Variants in NRG1 observed in about 807,000 individuals in gnomAD.
NRG1 encodes neuregulin 1.
In NRG1, 18 loss-of-function variants were observed where a neutral mutation model predicts 63.8. That is an observed-to-expected ratio of 0.28 (90% CI 0.19 to 0.42). NRG1 has a LOEUF of 0.42. NRG1 is among the 10% of genes least tolerant of loss of function. NRG1 has a pLI of 1.00. For missense variants in NRG1, 762 were observed against 814.7 expected (o/e 0.94, Z 0.79); for synonymous variants, 302 against 301.3 (o/e 1.00, Z -0.02).
At chr8:32,221,127 A>G (rs1413675299) in intron 1 of NRG1, 1 of 149,834 alleles carries the variant, frequency 6.7e-6, no homozygotes, top group Non-Finnish European at 1.5e-5. Flanking sequence ...TACTTTAAAA[A>G]ATAAAGGTAA....
chr8:32,206,916 G>A (rs1321962477), intron 1 of NRG1, among the ~76,000 whole-genome samples: 1 of 152,116 alleles, frequency 6.6e-6, no homozygotes, highest in Non-Finnish European at 1.5e-5. Flanking sequence ...AGTTATTCAT[G>A]ACCAGAATTA....
chr8:32,534,869 A>G (rs1312034658), intron 1 of NRG1, among the ~76,000 whole-genome samples: 1 of 152,066 alleles, frequency 6.6e-6, no homozygotes, highest in African/African-American at 2.4e-5. Context: ...TATGTTTTTG[A>G]GCATTCTAAG....
At chr8:32,113,902 T>C (rs1185501448) in intron 1 of NRG1, among the ~76,000 whole-genome samples, 2 of 152,138 alleles carry the variant, frequency 1.3e-5, no homozygotes, top group Non-Finnish European at 2.9e-5. Flanking sequence ...TTCTAGCAGG[T>C]GGGAGAAGGA....
intron 1 of NRG1, among the ~76,000 whole-genome samples, chr8:32,391,731 A>T (rs1386060598): frequency 6.6e-6 from 1 of 152,154 alleles, no homozygotes; most frequent in African/African-American, 2.4e-5. Flanking sequence ...TCCATGCTGT[A>T]TATGTACCAT....
intron 1 of NRG1, among the ~76,000 whole-genome samples, chr8:32,200,050 A>T (rs983912836): frequency 1.3e-5 from 2 of 152,194 alleles, no homozygotes; most frequent in Admixed American, 6.5e-5. Flanking sequence ...AAGGGCTGGG[A>T]TTACAGGCAT....
At chr8:32,163,333 A>G (rs887883439) in intron 1 of NRG1, among the ~76,000 whole-genome samples, 1 of 152,178 alleles carries the variant, frequency 6.6e-6, no homozygotes, top group Non-Finnish European at 1.5e-5. Context: ...ACTGTTTGCT[A>G]AAGATTGGCA....
intron 1 of NRG1, chr8:32,287,685 T>A (rs1853698727): frequency 6.6e-6 from 1 of 152,220 alleles, no homozygotes; most frequent in African/African-American, 2.4e-5. Flanking sequence ...AGGGCATTCC[T>A]CTGAATAGAG....
chr8:32,257,069 G>A (rs763612719), intron 1 of NRG1, among the ~76,000 whole-genome samples: 1 of 152,180 alleles, frequency 6.6e-6, no homozygotes, highest in African/African-American at 2.4e-5. Flanking sequence ...ACTTCTTGGT[G>A]CTTTATTTAC....
At chr8:32,362,297 C>T (rs1391759768) in intron 1 of NRG1, among the ~76,000 whole-genome samples, 1 of 152,162 alleles carries the variant, frequency 6.6e-6, no homozygotes, top group African/African-American at 2.4e-5. Flanking sequence ...TGCTATTTAG[C>T]ACATACTAAA....
At chr8:31,884,937 A>C (rs927933783) in intron 1 of NRG1, among the ~76,000 whole-genome samples, 7 of 152,188 alleles carry the variant, frequency 4.6e-5, no homozygotes, top group Non-Finnish European at 7.4e-5. Context: ...GAGTGATTTT[A>C]GAGTAACTAT....
chr8:32,402,883 T>C (rs1813407302), intron 1 of NRG1, among the ~76,000 whole-genome samples: 1 of 152,198 alleles, frequency 6.6e-6, no homozygotes, highest in Non-Finnish European at 1.5e-5. Flanking sequence ...CTGGGTGTCA[T>C]GGAATGTATC....
chr8:32,241,426 C>G (rs561932018), intron 1 of NRG1, among the ~76,000 whole-genome samples: 1 of 152,212 alleles, frequency 6.6e-6, no homozygotes, highest in South Asian at 2.1e-4. Context: ...TGTGTGGGCT[C>G]AAGAGTGTGT....
At chr8:32,646,931 C>G (rs1444213438) in intron 5 of NRG1, 1 of 980,340 alleles carries the variant, frequency 1.0e-6, no homozygotes, top group Non-Finnish European at 1.2e-6. Context: ...GGAGAGAGGA[C>G]GGGCTTGGAT....
chr8:32,773,724 G>C (rs563653213), intron 7 of NRG1, among the ~76,000 whole-genome samples: 50 of 152,220 alleles, frequency 3.3e-4, no homozygotes, highest in African/African-American at 1.2e-3. Flanking sequence ...TTCACATCAT[G>C]CTAGAAGACT....
exon 9 of NRG1, chr8:32,756,511 G>T (rs1829723302): frequency 1.4e-5 from 22 of 1,612,442 alleles, no homozygotes; most frequent in Non-Finnish European, 1.9e-5. Flanking sequence ...CACCCCCCGA[G>T]AATGTCCAGC....
intron 1 of NRG1, among the ~76,000 whole-genome samples, chr8:32,385,085 T>G (rs972913420): frequency 3.3e-5 from 5 of 152,180 alleles, no homozygotes; most frequent in Admixed American, 6.5e-5. Context: ...GGTGGCAAGA[T>G]CTCTGCTCAC....
chr8:32,671,136 T>G (rs1476527729), intron 5 of NRG1, among the ~76,000 whole-genome samples: 4 of 151,782 alleles, frequency 2.6e-5, no homozygotes, highest in Non-Finnish European at 4.4e-5. Flanking sequence ...TGCTTTTTTT[T>G]TTTTTTAGCA....
chr8:32,543,293 CT>C (rs1832751960), upstream of NRG1, among the ~76,000 whole-genome samples: 1 of 151,846 alleles, frequency 6.6e-6, no homozygotes, highest in South Asian at 2.1e-4. Flanking sequence ...ACATGTATGT[CT>C]ACATATGTAT....
chr8:32,088,456 C>T (rs1179935472), intron 1 of NRG1, among the ~76,000 whole-genome samples: 1 of 151,886 alleles, frequency 6.6e-6, no homozygotes, highest in Non-Finnish European at 1.5e-5. Flanking sequence ...TGAGCAAATA[C>T]CTTTCCTGAG....
Sources: allele counts gnomAD v4.1 joint callset (sites outside exome capture counted in the v4.1 genomes callset), GRCh38; gene constraint gnomAD v4.1.1; transcripts MANE v1.5; gene names NCBI Gene and HGNC (gene_info 2026-07-23, HGNC 2026-07-21).